The following CCDC178 variants were observed in gnomAD, a reference collection of about 807,000 sequenced individuals.
CCDC178 encodes coiled-coil domain-containing protein 178.
In CCDC178, 126 loss-of-function variants were observed where a neutral mutation model predicts 117.4. The ratio of observed to expected loss-of-function variants is 1.07; its 90% CI spans 0.93 to 1.24. CCDC178 has a LOEUF of 1.24. Ranked by LOEUF, CCDC178 falls within the 50% of genes most tolerant of loss-of-function variation. CCDC178 has a pLI of 0.00. For missense variants in CCDC178, 1,030 were observed against 986.9 expected, an observed-to-expected ratio of 1.04 and a Z score of -0.59; for synonymous variants, 283 against 313.4, an observed-to-expected ratio of 0.90 and a Z score of 1.02.
At chr18:33,376,322 T>G (rs1429807395) in intron 5 of CCDC178, among the ~76,000 whole-genome samples, 1 of 152,158 alleles carries the variant, frequency 6.6e-6, no homozygotes, top group African/African-American at 2.4e-5. Flanking sequence ...TTTTTTGCCC[T>G]GCTCATACCT....
At chr18:33,410,390 T>C (rs1055731822) in intron 3 of CCDC178, among the ~76,000 whole-genome samples, 9 of 152,128 alleles carry the variant, frequency 5.9e-5, no homozygotes, top group Non-Finnish European at 1.3e-4. Flanking sequence ...TTTCCAGAAA[T>C]AAAAACAAGC....
In CCDC178 at chr18:33,091,324, C is replaced by CTTTTTTTTTTTTTTTTTTTTT. The variant is rs746505005; in HGVS notation, c.2388+1416_2388+1436dup. ...CTTTCCCAAACACACTTATTTCATT[C>CTTTTTTTTTTTTTTTTTTTTT]TTTTTTTTTTTTTTTTTTTTTTTTT... On this transcript the variant is annotated intron_variant, in intron 21 of 22. Transcript: ENST00000383096. 3.9e-3 allele frequency among the ~76,000 whole-genome samples: 170 copies of CTTTTTTTTTTTTTTTTTTTTT among 43,900 alleles called. 65 individuals carry two copies. The highest frequency in any genetic ancestry group is 9.0e-3 in the East Asian group (11 of 1,226). 28.8% of individuals were successfully genotyped at this position (43,900 alleles called of 152,430 possible).
intron 20 of CCDC178, among the ~76,000 whole-genome samples, chr18:33,094,737 T>C (rs1179716371): frequency 6.6e-6 from 1 of 152,038 alleles, no homozygotes; most frequent in Admixed American, 6.6e-5. Context: ...ATGATACCAG[T>C]TCTTCCACTT....
At chr18:33,113,909 C>T (rs2057817177) in intron 20 of CCDC178, among the ~76,000 whole-genome samples, 1 of 152,048 alleles carries the variant, frequency 6.6e-6, no homozygotes, top group South Asian at 2.1e-4. Flanking sequence ...AAGGTCATTA[C>T]AGATGTCAGG....
intron 2 of CCDC178, among the ~76,000 whole-genome samples, chr18:33,422,985 A>G (rs1040916089): frequency 1.1e-4 from 17 of 152,162 alleles, no homozygotes; most frequent in Admixed American, 9.2e-4. Flanking sequence ...GCAAATCACT[A>G]TATTCCTCTA....
At position 33,074,098 on chromosome 18, in the gene CCDC178, CG is replaced by C. The variant is rs992384433; in HGVS notation, c.2388+18662del. On this transcript the variant is annotated intron_variant, in intron 21 of 22. Transcript: ENST00000383096. ...TGAGGAAGAGACTGGATTATGCAGT[CG>C]GGGAGGCCAGGGCAAGAAATGTGGG... 5.0e-4 allele frequency among the ~76,000 whole-genome samples: 76 copies of C among 152,004 alleles called. 1 individual carries two copies. The highest frequency in any genetic ancestry group is 1.4e-3 in the Admixed American group (22 of 15,264).
At chr18:33,389,795 A>G (rs1275434880) in intron 4 of CCDC178, among the ~76,000 whole-genome samples, 166 bp from the exon 5 acceptor site, 1 of 151,796 alleles carries the variant, frequency 6.6e-6, no homozygotes, top group Non-Finnish European at 1.5e-5. Context: ...ATCTTCAGAT[A>G]TTTTCTCTAT....
In CCDC178 at chr18:33,112,310, T is replaced by G. The variant is rs181497846; in HGVS notation, c.2239-19400A>C. 4.6e-5 allele frequency among the ~76,000 whole-genome samples: 7 copies of G among 151,918 alleles called. No individual in the cohort carries two copies. The East Asian group carries it at 1.2e-3, about 25-fold the overall frequency. Reference sequence around the variant, plus strand: ...CAGGGAAATTGGACTGTAGCAACATTCTCTGCCCAATTTTGTTAGATAAAG... The same window carrying G: ...CAGGGAAATTGGACTGTAGCAACATGCTCTGCCCAATTTTGTTAGATAAAG... On this transcript the variant is annotated intron_variant, in intron 20 of 22. Transcript: ENST00000383096.
At chr18:33,421,054 C>T (rs979475996) in intron 2 of CCDC178, among the ~76,000 whole-genome samples, 1 of 152,066 alleles carries the variant, frequency 6.6e-6, no homozygotes, top group African/African-American at 2.4e-5. Flanking sequence ...TAGACAGGTT[C>T]TTCTGAGAAA....
intron 22 of CCDC178, among the ~76,000 whole-genome samples, chr18:32,959,978 A>G (rs2054674061): frequency 6.6e-6 from 1 of 152,254 alleles, no homozygotes; most frequent in South Asian, 2.1e-4. Context: ...AAATAAGCTT[A>G]TTTTATTTTA....
chr18:33,133,335 T>C (rs2058088530), intron 20 of CCDC178, among the ~76,000 whole-genome samples: 1 of 151,890 alleles, frequency 6.6e-6, no homozygotes, highest in Non-Finnish European at 1.5e-5. Context: ...AATTTTTTTC[T>C]GATTCTAGTT....
intron 21 of CCDC178, among the ~76,000 whole-genome samples, chr18:33,055,572 T>C (rs1375778275): frequency 6.6e-6 from 1 of 152,076 alleles, no homozygotes; most frequent in African/African-American, 2.4e-5. Context: ...CAAGCAATCG[T>C]CCTGACTCAG....
chr18:33,194,614 C>A (rs1428322849), intron 20 of CCDC178, among the ~76,000 whole-genome samples: 1 of 152,124 alleles, frequency 6.6e-6, no homozygotes, highest in Non-Finnish European at 1.5e-5. Flanking sequence ...TTCGTACTTT[C>A]TTCCCATCAC....
At chr18:33,408,717 T>A (rs140834955) in intron 3 of CCDC178, among the ~76,000 whole-genome samples, 1 of 152,154 alleles carries the variant, frequency 6.6e-6, no homozygotes, top group Non-Finnish European at 1.5e-5. Flanking sequence ...TGTAAAAAAA[T>A]TCATTCTCTG....
chr18:33,173,687 T>A (rs1264068206), intron 20 of CCDC178, among the ~76,000 whole-genome samples: 1 of 152,222 alleles, frequency 6.6e-6, no homozygotes, highest in Non-Finnish European at 1.5e-5. Context: ...TCCTAATGTA[T>A]CTTTGCCTTC....
chr18:33,251,046 G>A (rs1036365436), intron 14 of CCDC178, among the ~76,000 whole-genome samples: 4 of 151,526 alleles, frequency 2.6e-5, no homozygotes, highest in Non-Finnish European at 5.9e-5. Flanking sequence ...AATATGACAC[G>A]GAGATAAGCC....
intron 21 of CCDC178, among the ~76,000 whole-genome samples, chr18:32,980,951 T>C (rs1350535595): frequency 6.6e-6 from 1 of 152,214 alleles, no homozygotes; most frequent in Non-Finnish European, 1.5e-5. Flanking sequence ...CTACATACTC[T>C]AGACTTGCTA....
intron 21 of CCDC178, among the ~76,000 whole-genome samples, chr18:32,979,085 G>C (rs561400712): frequency 6.6e-6 from 1 of 151,532 alleles, no homozygotes; most frequent in East Asian, 1.9e-4. Context: ...AATCCAAGAG[G>C]CTCTACAAAA....
intron 22 of CCDC178, among the ~76,000 whole-genome samples, chr18:32,948,474 T>A (rs1160030695): frequency 6.6e-6 from 1 of 152,110 alleles, no homozygotes; most frequent in Non-Finnish European, 1.5e-5. Context: ...CAACATCCAA[T>A]CACTGTTAGC....
Sources: allele counts gnomAD v4.1 joint callset (sites outside exome capture counted in the v4.1 genomes callset), GRCh38; gene constraint gnomAD v4.1.1; transcripts MANE v1.5; gene names NCBI Gene and HGNC (gene_info 2026-07-23, HGNC 2026-07-21).